ADGRV1: variants seen among roughly 807,000 people sequenced by gnomAD.
The protein encoded by ADGRV1 is G-protein coupled receptor 98.
A neutral mutation model predicts 596.2 loss-of-function variants in ADGRV1; 359 were observed. That is an observed-to-expected ratio of 0.60 (90% confidence interval 0.55 to 0.66). The LOEUF is 0.66. Among genes scored for constraint, ADGRV1 ranks in the 30% least tolerant of loss-of-function variants. The pLI, the probability that ADGRV1 is intolerant of heterozygous loss-of-function variation, is 0.00. For missense variants in ADGRV1, 7,274 were observed against 7,575.6 expected (o/e 0.96, Z 1.48); for synonymous variants, 2,681 against 2,679.2 (o/e 1.00, Z -0.02).
Position 90,694,027 on chromosome 5 carries a change from G to T in ADGRV1, c.7271G>T (p.Arg2424Ile). The T allele has an allele frequency of 1.2e-6, 2 of 1,613,730 alleles. No individual in the cohort carries two copies. Among genetic ancestry groups the T allele is most frequent in the Non-Finnish European group, 1.7e-6 (2 of 1,179,792 alleles). ...PIQGVPDPLW[R>I]TWMNVSAVGE... ...CAAGGGGTGCCTGACCCACTTTGGA[G>T]AACTTGGATGAATGTCTCTGCCGTG... Residue 2424 changes from arginine to isoleucine, a missense_variant, in exon 33 of 90, where the codon AGA (arginine) becomes ATA (isoleucine). Physicochemically the swap from Arg to Ile is moderately conservative, Grantham distance 97 (BLOSUM62 -3). This residue lies in a region of ADGRV1 where 3,643 missense variants were observed against 3,809.2 expected (regional missense o/e 0.96). Coordinates refer to ENST00000405460, the MANE Select transcript of ADGRV1 (RefSeq NM_032119.4).
At chr5:90,960,976 A>T (rs1285157097) in intron 83 of ADGRV1, among the ~76,000 whole-genome samples, 2 of 152,108 alleles carry the variant, frequency 1.3e-5, no homozygotes, top group African/African-American at 4.8e-5. Flanking sequence ...TCATTCTCCT[A>T]ATACTCTGCA....
rs1021845255 is a variant in ADGRV1, at chr5:90,662,525, G to A, written c.4752+4247G>A. Among the ~76,000 whole-genome samples, 9 of 151,794 alleles carry A rather than the reference G, an allele frequency of 5.9e-5. No homozygotes were observed. The South Asian group carries it at 6.2e-4, about 11-fold the overall frequency. ...GTACTTTTTAAAGCAAACCTCAGGCGTTATGTTATTTCTCTGTAAATTCAG... is the reference window on the plus strand; with the variant it reads ...GTACTTTTTAAAGCAAACCTCAGGCATTATGTTATTTCTCTGTAAATTCAG... On this transcript the variant is annotated intron_variant, in intron 21 of 89. Coordinates refer to ENST00000405460, the MANE Select transcript of ADGRV1 (RefSeq NM_032119.4).
At chr5:91,138,782 T>C (rs1794858846) in intron 87 of ADGRV1, among the ~76,000 whole-genome samples, 1 of 151,808 alleles carries the variant, frequency 6.6e-6, no homozygotes, top group African/African-American at 2.4e-5. Flanking sequence ...CTTTTTTTTT[T>C]TTTTTTTTAA....
intron 83 of ADGRV1, among the ~76,000 whole-genome samples, chr5:90,928,698 G>A (rs944442920): frequency 6.7e-6 from 1 of 150,362 alleles, no homozygotes; most frequent in African/African-American, 2.5e-5. Context: ...TTTGGAGGAG[G>A]AGAGGCGCTC....
intron 77 of ADGRV1, among the ~76,000 whole-genome samples, chr5:90,837,749 G>GA (rs1205681768): frequency 6.6e-6 from 1 of 151,760 alleles, no homozygotes; most frequent in Admixed American, 6.6e-5. Context: ...TAAATCCTGC[G>GA]AAAAAACAGT....
At chr5:90,623,330 T>C (rs1764332774) in intron 5 of ADGRV1, among the ~76,000 whole-genome samples, 1 of 152,240 alleles carries the variant, frequency 6.6e-6, no homozygotes, top group African/African-American at 2.4e-5. Context: ...ATAAATGTTT[T>C]CAAAGACAGG....
Position 90,706,332 on chromosome 5 carries a change from A to G in ADGRV1, c.8668A>G (p.Ile2890Val), listed in dbSNP as rs768539100. 2.5e-6 allele frequency: 4 copies of G among 1,613,192 alleles called. No individual in the cohort carries two copies. The highest frequency in any genetic ancestry group is 2.2e-5 in the South Asian group (2 of 90,894). The change falls in exon 38 of 90, where the codon ATT becomes GTT. Residue 2890 changes from isoleucine (I) to valine (V), a missense_variant. This residue lies in a region of ADGRV1 where 3,643 missense variants were observed against 3,809.2 expected (regional missense o/e 0.96). Coordinates refer to ENST00000405460, the MANE Select transcript of ADGRV1 (RefSeq NM_032119.4). ...GCCAGAAGTTGATTTTGTCCCTATC[A>G]TTGGCTTTCTGATTTTAGAAGAAGG... Reference protein sequence around the residue: ...AEPEVDFVPIIGFLILEEGET... With the variant: ...AEPEVDFVPIVGFLILEEGET...
chr5:90,770,689 AAAACAAAC>A lies in ADGRV1; in HGVS notation c.12286-3477_12286-3470del, dbSNP rs368675436. On this transcript the variant is annotated intron_variant, in intron 59 of 89. Transcript: ENST00000405460. ...GCTGTAAAAATATATGTGCTCATGG[AAAACAAAC>A]AAACAAACAAACAAACAAAAACAAA... Among the ~76,000 whole-genome samples, 399 of 152,194 alleles carry A rather than the reference AAAACAAAC, an allele frequency of 2.6e-3. 2 individuals are homozygous for A. The highest frequency in any genetic ancestry group is 4.1e-3 in the Non-Finnish European group (280 of 67,988).
At chr5:91,056,766 G>T (rs1285630309) in intron 85 of ADGRV1, among the ~76,000 whole-genome samples, 1 of 152,072 alleles carries the variant, frequency 6.6e-6, no homozygotes. Context: ...TTGAACCACC[G>T]CTGCTCTGTA....
At chr5:91,012,058 A>C (rs923573758) in intron 85 of ADGRV1, among the ~76,000 whole-genome samples, 3 of 151,976 alleles carry the variant, frequency 2.0e-5, no homozygotes, top group South Asian at 2.1e-4. Flanking sequence ...TACTGCTTAA[A>C]TCCAGGACCT....
chr5:90,754,917 G>A, intron 54 of ADGRV1, 66 bp from the exon 55 acceptor site: 1 of 1,130,708 alleles, frequency 8.8e-7, no homozygotes, highest in Non-Finnish European at 1.3e-6. Context: ...TTCCACTCTA[G>A]GTCCTTGTAA....
chr5:90,706,006 C>T (rs1748539759), intron 37 of ADGRV1, among the ~76,000 whole-genome samples: 1 of 152,146 alleles, frequency 6.6e-6, no homozygotes, highest in South Asian at 2.1e-4. Flanking sequence ...AAACAAGTCA[C>T]ATATCCAAAT....
intron 87 of ADGRV1, among the ~76,000 whole-genome samples, chr5:91,105,979 T>TACAGGC (rs1791835182): frequency 6.6e-6 from 1 of 151,108 alleles, no homozygotes; most frequent in African/African-American, 2.4e-5. Flanking sequence ...GTAAAATCTT[T>TACAGGC]TATTTATATT....
At chr5:90,878,964 T>C (rs1450219349) in intron 83 of ADGRV1, among the ~76,000 whole-genome samples, 2 of 152,226 alleles carry the variant, frequency 1.3e-5, no homozygotes, top group African/African-American at 2.4e-5. Context: ...CCCAGCTACA[T>C]GTGAGTCATT....
intron 88 of ADGRV1, among the ~76,000 whole-genome samples, chr5:91,152,515 C>T (rs906351182): frequency 7.2e-5 from 11 of 152,186 alleles, no homozygotes; most frequent in African/African-American, 2.4e-4. Context: ...AATTAGTTTT[C>T]GTTCCCCACA....
intron 83 of ADGRV1, among the ~76,000 whole-genome samples, chr5:90,927,751 A>T (rs1774668880): frequency 6.6e-6 from 1 of 151,668 alleles, no homozygotes. Context: ...TTTTGGCTTG[A>T]TTTTGCAGTG....
chr5:90,652,751 G>A (rs1460994279), intron 19 of ADGRV1, among the ~76,000 whole-genome samples, 188 bp downstream of exon 19: 1 of 151,896 alleles, frequency 6.6e-6, no homozygotes, highest in African/African-American at 2.4e-5. Context: ...TCACTTTTTT[G>A]ATATCTTAGT....
intron 75 of ADGRV1, among the ~76,000 whole-genome samples, chr5:90,817,715 G>A (rs566965260): frequency 2.0e-5 from 3 of 152,262 alleles, no homozygotes; most frequent in Admixed American, 6.5e-5. Flanking sequence ...TCAAAGATCA[G>A]ATAGTTGTAG....
At chr5:91,080,301 T>C (rs1789231155) in intron 86 of ADGRV1, among the ~76,000 whole-genome samples, 1 of 152,168 alleles carries the variant, frequency 6.6e-6, no homozygotes, top group African/African-American at 2.4e-5. Flanking sequence ...ATGAAGCCTA[T>C]TAAGCAGGTA....
Sources: allele counts gnomAD v4.1 joint callset (sites outside exome capture counted in the v4.1 genomes callset), GRCh38; gene constraint gnomAD v4.1.1; regional missense constraint gnomAD v4.1.1; transcripts MANE v1.5; gene names NCBI Gene and HGNC (gene_info 2026-07-23, HGNC 2026-07-21).